HS3ST3A1: variants seen among roughly 807,000 people sequenced by gnomAD.
The protein encoded by HS3ST3A1 is heparan sulfate-glucosamine 3-sulfotransferase 3A1.
A neutral mutation model predicts 25.7 loss-of-function variants in HS3ST3A1; 19 were observed. The observed-to-expected ratio is 0.74, with a 90% CI of 0.52 to 1.08. HS3ST3A1 has a LOEUF of 1.08. Among genes scored for constraint, HS3ST3A1 ranks in the 50% least tolerant of loss-of-function variants. The pLI, the probability that HS3ST3A1 is intolerant of heterozygous loss-of-function variation, is 0.00. For missense variants in HS3ST3A1, 459 were observed against 594.3 expected, an observed-to-expected ratio of 0.77 and a Z score of 2.37; for synonymous variants, 226 against 278.6, an observed-to-expected ratio of 0.81 and a Z score of 1.88.
intron 1 of HS3ST3A1, among the ~76,000 whole-genome samples, chr17:13,517,715 A>G (rs1052842325): frequency 2.0e-5 from 3 of 152,108 alleles, no homozygotes; most frequent in African/African-American, 7.2e-5. Flanking sequence ...GCAGTGGTGC[A>G]ATCTTGGCTC....
chr17:13,592,639 A>T (rs563400298), intron 1 of HS3ST3A1, among the ~76,000 whole-genome samples: 1 of 152,384 alleles, frequency 6.6e-6, no homozygotes, highest in South Asian at 2.1e-4. Flanking sequence ...GAACGATTCA[A>T]AGAAAATACT....
intron 1 of HS3ST3A1, among the ~76,000 whole-genome samples, chr17:13,524,205 C>T (rs1028737116): frequency 2.3e-4 from 35 of 152,202 alleles, no homozygotes; most frequent in South Asian, 1.2e-3. Context: ...ACTTTTGAAA[C>T]GACTATTTTC....
chr17:13,588,833 A>G (rs1458127065), intron 1 of HS3ST3A1, among the ~76,000 whole-genome samples: 5 of 151,930 alleles, frequency 3.3e-5, no homozygotes, highest in African/African-American at 1.2e-4. Context: ...ACAGGCGCCC[A>G]CCACCACGCC....
chr17:13,590,887 G>T (rs1261496635), intron 1 of HS3ST3A1, among the ~76,000 whole-genome samples: 3 of 150,098 alleles, frequency 2.0e-5, no homozygotes, highest in Non-Finnish European at 4.4e-5. Flanking sequence ...GCTCAGCAAG[G>T]TTCCGGGAGA....
chr17:13,577,321 A>G (rs1288958492), intron 1 of HS3ST3A1, among the ~76,000 whole-genome samples: 2 of 152,222 alleles, frequency 1.3e-5, no homozygotes, highest in Non-Finnish European at 2.9e-5. Flanking sequence ...CTGCCTGGCC[A>G]GGACTGGAGG....
At chr17:13,535,201 A>G (rs1906735188) in intron 1 of HS3ST3A1, among the ~76,000 whole-genome samples, 1 of 152,248 alleles carries the variant, frequency 6.6e-6, no homozygotes, top group African/African-American at 2.4e-5. Flanking sequence ...ATTATTTAAT[A>G]TATAGTTGAT....
At chr17:13,514,088 C>T (rs1250914180) in intron 1 of HS3ST3A1, among the ~76,000 whole-genome samples, 1 of 151,852 alleles carries the variant, frequency 6.6e-6, no homozygotes, top group Non-Finnish European at 1.5e-5. Context: ...TTATGATTTT[C>T]AAAGACATTT....
At chr17:13,552,569 G>A (rs1310377239) in intron 1 of HS3ST3A1, among the ~76,000 whole-genome samples, 2 of 152,128 alleles carry the variant, frequency 1.3e-5, no homozygotes, top group East Asian at 3.9e-4. Flanking sequence ...GCTGGCTTTG[G>A]CTCTGTCACC....
intron 1 of HS3ST3A1, among the ~76,000 whole-genome samples, chr17:13,548,670 C>T (rs200608123): frequency 6.6e-6 from 1 of 152,144 alleles, no homozygotes; most frequent in Non-Finnish European, 1.5e-5. Flanking sequence ...TTCTGTCTAG[C>T]TAAAGGATTG....
intron 1 of HS3ST3A1, among the ~76,000 whole-genome samples, chr17:13,542,273 G>A (rs1256553411): frequency 6.7e-6 from 1 of 150,322 alleles, no homozygotes; most frequent in African/African-American, 2.5e-5. Flanking sequence ...AGGTTGCAGT[G>A]AGCAGAGATT....
Position 13,543,483 on chromosome 17 carries a change from G to A in HS3ST3A1, c.600-46665C>T, listed in dbSNP as rs146783968. Reference sequence around the variant, plus strand: ...GCCACAACTTCAACATTTGGAATCAGTCTGAAGAAGAGAAGTTTCCAGAAG... The same window carrying A: ...GCCACAACTTCAACATTTGGAATCAATCTGAAGAAGAGAAGTTTCCAGAAG... On this transcript the variant is annotated intron_variant, in intron 1 of 1. Transcript: ENST00000284110. 5.0e-3 allele frequency: 837 copies of A among 168,044 alleles called. 5 individuals carry two copies. The highest frequency in any genetic ancestry group is 0.041 in the Middle Eastern group (12 of 296). The allele number at this position is 168,044 out of a possible 1,614,324, so 10.4% of individuals were successfully genotyped here. A position where few individuals can be genotyped will look rare whatever the true frequency, so the allele number is the denominator to read the frequency against.
At chr17:13,587,848 G>C (rs10521230) in intron 1 of HS3ST3A1, among the ~76,000 whole-genome samples, 60,671 of 152,038 alleles carry the variant, frequency 0.4, 14,240 homozygotes, top group Admixed American at 0.52. Context: ...ACAACTTTGT[G>C]CATTTCAAAA....
chr17:13,580,376 G>A lies in HS3ST3A1; in HGVS notation c.599+20155C>T, dbSNP rs1467261782. Among the ~76,000 whole-genome samples the A allele has an allele frequency of 4.6e-5, 7 of 152,106 alleles. No homozygotes were observed. The South Asian group carries it at 1.0e-3, about 23-fold the overall frequency. On this transcript the variant is annotated intron_variant, in intron 1 of 1. Transcript: ENST00000284110. Reference sequence around the variant, plus strand: ...GCCCTAGTGTTTTCTCATGGAAGTGGGCATTGGAGGGGTTGCAGTTTGTGA... The same window carrying A: ...GCCCTAGTGTTTTCTCATGGAAGTGAGCATTGGAGGGGTTGCAGTTTGTGA...
chr17:13,557,920 G>T (rs754900700), intron 1 of HS3ST3A1, among the ~76,000 whole-genome samples: 10 of 152,164 alleles, frequency 6.6e-5, no homozygotes, highest in Non-Finnish European at 1.3e-4. Flanking sequence ...CCTGGTAAAC[G>T]TTTTGAATTT....
intron 1 of HS3ST3A1, among the ~76,000 whole-genome samples, chr17:13,527,416 T>C (rs1906466662): frequency 6.6e-6 from 1 of 152,176 alleles, no homozygotes; most frequent in African/African-American, 2.4e-5. Context: ...ATGTGGAAAG[T>C]GTTTCCTTTT....
At chr17:13,533,845 G>T (rs761013180) in intron 1 of HS3ST3A1, among the ~76,000 whole-genome samples, 66 of 152,094 alleles carry the variant, frequency 4.3e-4, no homozygotes, top group Non-Finnish European at 9.1e-4. Context: ...AGAAGAGAAA[G>T]AACTTAACAT....
chr17:13,513,577 A>C (rs1397382887), intron 1 of HS3ST3A1, among the ~76,000 whole-genome samples: 1 of 152,226 alleles, frequency 6.6e-6, no homozygotes, highest in Admixed American at 6.5e-5. Flanking sequence ...TTAATAACTT[A>C]TTTATAAAAT....
At chr17:13,593,768 A>G (rs1031088734) in intron 1 of HS3ST3A1, among the ~76,000 whole-genome samples, 2 of 152,222 alleles carry the variant, frequency 1.3e-5, no homozygotes, top group African/African-American at 4.8e-5. Context: ...GAGAATTCGC[A>G]TACTCCTTTC....
At chr17:13,499,188 C>A (rs1905378851) in intron 1 of HS3ST3A1, among the ~76,000 whole-genome samples, 1 of 152,188 alleles carries the variant, frequency 6.6e-6, no homozygotes, top group Non-Finnish European at 1.5e-5. Context: ...ATTGGCATAA[C>A]CACCTATGTG....
Sources: gnomAD v4.1 joint callset for allele counts (sites outside exome capture counted in the v4.1 genomes callset) on GRCh38, gnomAD v4.1.1 for gene constraint, MANE v1.5 for transcripts, NCBI Gene and HGNC (gene_info 2026-07-23, HGNC 2026-07-21) for gene names.